Variants in EPN2 observed in about 807,000 individuals in gnomAD.
EPN2 encodes the protein epsin-2.
Under a neutral mutation model 61.7 loss-of-function variants are expected in EPN2, and 34 were observed. That is an observed-to-expected ratio of 0.55 (90% CI 0.42 to 0.73). The LOEUF is 0.73. EPN2 is among the 30% of genes least tolerant of loss of function. The pLI, the probability that EPN2 is intolerant of heterozygous loss-of-function variation, is 0.00. For synonymous variants in EPN2, 349 were observed against 353.6 expected, an observed-to-expected ratio of 0.99 and a Z score of 0.15; for missense variants, 714 against 839.2, an observed-to-expected ratio of 0.85 and a Z score of 1.84.
At chr17:19,290,370 T>C (rs1313444214) in intron 4 of EPN2, among the ~76,000 whole-genome samples, 1 of 152,122 alleles carries the variant, frequency 6.6e-6, no homozygotes, top group Non-Finnish European at 1.5e-5. Context: ...TTGGAGAAAT[T>C]ACAGAAGTTC....
At chr17:19,320,080 G>A (rs1196599740) in intron 7 of EPN2, among the ~76,000 whole-genome samples, 2 of 152,258 alleles carry the variant, frequency 1.3e-5, no homozygotes, top group East Asian at 1.9e-4. Context: ...CTCTGCAGGG[G>A]CTCAGGCATC....
chr17:19,240,623 T>C (rs555855419), intron 1 of EPN2, among the ~76,000 whole-genome samples: 82 of 152,322 alleles, frequency 5.4e-4, no homozygotes, highest in African/African-American at 1.9e-3. Context: ...TGCTGGACTT[T>C]TAACTCATGT....
At chr17:19,245,515 C>T (rs2044936545) in intron 1 of EPN2, among the ~76,000 whole-genome samples, 1 of 150,998 alleles carries the variant, frequency 6.6e-6, no homozygotes, top group East Asian at 1.9e-4. Flanking sequence ...CAGCTCACTG[C>T]AGCCTCTGCC....
At chr17:19,333,480 C>T (rs553771057) in intron 10 of EPN2, among the ~76,000 whole-genome samples, 2 of 152,302 alleles carry the variant, frequency 1.3e-5, no homozygotes, top group African/African-American at 4.8e-5. Flanking sequence ...CTGGGAAAGA[C>T]AAAGCTGCAT....
chr17:19,282,268 C>G (rs889915445), intron 2 of EPN2, 191 bp downstream of exon 2: 4 of 152,150 alleles, frequency 2.6e-5, no homozygotes, highest in African/African-American at 9.7e-5. Flanking sequence ...GGTCTTTATC[C>G]TTTTTCTAGA....
chr17:19,246,447 C>T (rs1313381285), intron 1 of EPN2, among the ~76,000 whole-genome samples: 2 of 152,114 alleles, frequency 1.3e-5, no homozygotes, highest in East Asian at 3.9e-4. Flanking sequence ...AATTTTCTCT[C>T]TGGTCTTAAA....
intron 1 of EPN2, among the ~76,000 whole-genome samples, chr17:19,256,560 A>G (rs1473822649): frequency 6.6e-6 from 1 of 152,088 alleles, no homozygotes; most frequent in Admixed American, 6.6e-5. Flanking sequence ...CTGGGAGGAT[A>G]GAGGGACCAA....
intron 4 of EPN2, among the ~76,000 whole-genome samples, chr17:19,300,119 G>A (rs1905408528): frequency 6.6e-6 from 1 of 152,294 alleles, no homozygotes; most frequent in South Asian, 2.1e-4. Context: ...TGGTGGGCAG[G>A]TCTATGCAAA....
At chr17:19,320,076 A>G (rs895013920) in intron 7 of EPN2, among the ~76,000 whole-genome samples, 2 of 152,256 alleles carry the variant, frequency 1.3e-5, no homozygotes, top group Non-Finnish European at 2.9e-5. Flanking sequence ...GGGCCTCTGC[A>G]GGGGCTCAGG....
Position 19,291,084 on chromosome 17 carries a change from C to T in EPN2, c.766+5294C>T, listed in dbSNP as rs533850973. Among the ~76,000 whole-genome samples the T allele has an allele frequency of 3.9e-4, 59 of 152,366 alleles. No homozygotes were observed. The South Asian group carries it at 0.012, about 30-fold the overall frequency. ...AGGATTTGAGTTGGCTTATAAAACA[C>T]ATGCAATGCCACAGGATTCAATAGA... On this transcript the variant is annotated intron_variant, in intron 4 of 10. Transcript: ENST00000314728.
rs2044898568 is a variant in EPN2, at chr17:19,242,686, AG to A, written c.-294+5157del. On this transcript the variant is annotated intron_variant, in intron 1 of 10. Transcript: ENST00000314728. ...TTCTCTTTCTGTTCAAAGCAATACA[AG>A]GAATTGGACATGCAAAGGGCTGTAA... Among the ~76,000 whole-genome samples, 3 of 152,188 alleles carry A rather than the reference AG, an allele frequency of 2.0e-5. No homozygotes were observed. The South Asian group carries it at 6.2e-4, about 32-fold the overall frequency.
intron 1 of EPN2, among the ~76,000 whole-genome samples, chr17:19,245,770 C>G (rs1393487479): frequency 6.6e-6 from 1 of 151,586 alleles, no homozygotes; most frequent in African/African-American, 2.4e-5. Context: ...TCAAGTGATT[C>G]TCCTGTCTCA....
intron 1 of EPN2, among the ~76,000 whole-genome samples, chr17:19,252,494 T>G (rs1235254802): frequency 2.0e-5 from 3 of 152,188 alleles, no homozygotes; most frequent in Non-Finnish European, 4.4e-5. Flanking sequence ...TCCCCCTACC[T>G]CAGATGATTT....
chr17:19,296,224 C>T (rs1266461028), intron 4 of EPN2, among the ~76,000 whole-genome samples: 1 of 152,034 alleles, frequency 6.6e-6, no homozygotes, highest in Non-Finnish European at 1.5e-5. Context: ...GATCTCGGCT[C>T]ACTACAACCT....
intron 4 of EPN2, among the ~76,000 whole-genome samples, chr17:19,304,715 G>A (rs1184836989): frequency 1.3e-5 from 2 of 152,246 alleles, no homozygotes; most frequent in Non-Finnish European, 2.9e-5. Flanking sequence ...TTTCACTGAT[G>A]TGGGAGCAGA....
In EPN2 at chr17:19,334,863, T is replaced by G. The variant is rs567451368; in HGVS notation, c.*609T>G. The G allele has an allele frequency of 6.5e-6, 1 of 153,360 alleles. No homozygotes were observed. The highest frequency in any genetic ancestry group is 2.4e-5 in the African/African-American group (1 of 41,580). 9.5% of individuals were successfully genotyped at this position (153,360 alleles called of 1,614,324 possible). A position where few individuals can be genotyped will look rare whatever the true frequency, so the allele number is the denominator to read the frequency against. ...TATGCTTGTGTACCTTTGCACATATTTTGTTTAGTACAGTTTCATATTTGA... is the reference window on the plus strand; with the variant it reads ...TATGCTTGTGTACCTTTGCACATATGTTGTTTAGTACAGTTTCATATTTGA... On this transcript the variant is annotated 3_prime_UTR_variant, in exon 11 of 11. Coordinates refer to ENST00000314728, the MANE Select transcript of EPN2 (RefSeq NM_014964.5). This position sits in a 1 kb window ranked among gnomAD's most constrained non-coding sequence, Gnocchi z 4.9.
At chr17:19,328,371 C>A (rs989338548) in intron 7 of EPN2, among the ~76,000 whole-genome samples, 7 of 152,112 alleles carry the variant, frequency 4.6e-5, no homozygotes, top group African/African-American at 1.7e-4. Flanking sequence ...TTCAGATAGT[C>A]CATCGAAGTG....
At position 19,283,908 on chromosome 17, in the gene EPN2, C is replaced by T. The variant is rs1489706727; in HGVS notation, c.595+194C>T. On this transcript the variant is annotated intron_variant, in intron 3 of 10. Transcript: ENST00000314728. The surrounding 1 kb of genome is among the most constrained non-coding windows in gnomAD (Gnocchi z 7.0). ...TTGGTTATAAAGGGACTTTTAGTCCCTTGGCTGCTCTGGTTCAGGGATCTC... is the reference window on the plus strand; with the variant it reads ...TTGGTTATAAAGGGACTTTTAGTCCTTTGGCTGCTCTGGTTCAGGGATCTC... Among the ~76,000 whole-genome samples the T allele has an allele frequency of 1.3e-5, 2 of 152,166 alleles. No homozygotes were observed. Among genetic ancestry groups the T allele is most frequent in the Non-Finnish European group, 2.9e-5 (2 of 68,024 alleles).
intron 10 of EPN2, 132 bp downstream of exon 10, chr17:19,332,200 G>A (rs935866129): frequency 3.6e-5 from 25 of 697,180 alleles, no homozygotes; most frequent in African/African-American, 1.8e-4. Context: ...AGATGATTAC[G>A]TATGCCCTCG....
Sources: allele counts gnomAD v4.1 joint callset (sites outside exome capture counted in the v4.1 genomes callset), GRCh38; gene constraint gnomAD v4.1.1; non-coding constraint Gnocchi (gnomAD v3.1); transcripts MANE v1.5; gene names NCBI Gene and HGNC (gene_info 2026-07-23, HGNC 2026-07-21).